The following EPHA3 variants were observed in gnomAD, a reference collection of about 807,000 sequenced individuals.
The protein encoded by EPHA3 is EPH receptor A3, also known as ephrin type-A receptor 3.
In EPHA3, 42 loss-of-function variants were observed where a neutral mutation model predicts 107.1. The observed-to-expected ratio is 0.39, with a 90% CI of 0.31 to 0.51. The LOEUF (loss-of-function observed/expected upper bound fraction) is 0.51. Ranked by LOEUF, EPHA3 falls within the 20% of genes least tolerant of loss-of-function variation. EPHA3 has a pLI of 0.78. For synonymous variants in EPHA3, 461 were observed against 424.8 expected (o/e 1.09, Z -1.05); for missense variants, 1,183 against 1,211.2 (o/e 0.98, Z 0.35).
At chr3:89,112,547 C>A (rs1209617517) in intron 1 of EPHA3, among the ~76,000 whole-genome samples, 1 of 150,882 alleles carries the variant, frequency 6.6e-6, no homozygotes, top group Non-Finnish European at 1.5e-5. Context: ...AAAATATATG[C>A]AATTTTTAAA....
intron 5 of EPHA3, among the ~76,000 whole-genome samples, chr3:89,394,021 T>C (rs1708799209): frequency 6.6e-6 from 1 of 152,192 alleles, no homozygotes; most frequent in South Asian, 2.1e-4. Flanking sequence ...TTAATTTGTA[T>C]GAAAAGATAT....
intron 2 of EPHA3, among the ~76,000 whole-genome samples, chr3:89,174,493 T>C (rs1370114338): frequency 6.6e-6 from 1 of 152,036 alleles, no homozygotes; most frequent in Non-Finnish European, 1.5e-5. Flanking sequence ...CTAAGCAGCA[T>C]GTGCATTTAC....
At chr3:89,430,811 A>G (rs1709550727) in intron 12 of EPHA3, among the ~76,000 whole-genome samples, 1 of 152,172 alleles carries the variant, frequency 6.6e-6, no homozygotes, top group Non-Finnish European at 1.5e-5. Flanking sequence ...AACCTAAACT[A>G]GCCACAAGAT....
intron 12 of EPHA3, among the ~76,000 whole-genome samples, chr3:89,430,188 G>T (rs1395202018): frequency 2.0e-5 from 3 of 152,070 alleles, no homozygotes; most frequent in African/African-American, 7.2e-5. Context: ...GTCATTGCAG[G>T]CGATAAGAAA....
At chr3:89,292,460 G>C (rs2107331566) in intron 3 of EPHA3, among the ~76,000 whole-genome samples, 1 of 152,268 alleles carries the variant, frequency 6.6e-6, no homozygotes, top group Middle Eastern at 3.4e-3. Context: ...CCTGGAACGA[G>C]TTCCCTGTGG....
chr3:89,424,030 A>G (rs186803449), intron 11 of EPHA3, among the ~76,000 whole-genome samples: 32 of 151,558 alleles, frequency 2.1e-4, no homozygotes, highest in African/African-American at 7.7e-4. Flanking sequence ...CAGAAAGGGA[A>G]AAAAAGTATC....
At chr3:89,447,399 G>A (rs1271573957) in intron 13 of EPHA3, among the ~76,000 whole-genome samples, 1 of 152,026 alleles carries the variant, frequency 6.6e-6, no homozygotes, top group Non-Finnish European at 1.5e-5. Flanking sequence ...CATTCTTCAT[G>A]ACTGTGTAAG....
chr3:89,253,711 G>C (rs573660634), intron 3 of EPHA3, among the ~76,000 whole-genome samples: 2 of 151,968 alleles, frequency 1.3e-5, no homozygotes, highest in Admixed American at 6.6e-5. Context: ...ACTGAGTTTA[G>C]TCAGTTAATA....
At chr3:89,302,709 GAATCCTTGCTTGCT>G (rs1194802612) in intron 3 of EPHA3, among the ~76,000 whole-genome samples, 1 of 152,008 alleles carries the variant, frequency 6.6e-6, no homozygotes, top group Non-Finnish European at 1.5e-5. Context: ...AGAATCCATA[GAATCCTTGCTTGCT>G]AATACTCTTC....
chr3:89,120,572 GAA>G (rs1559740181), intron 1 of EPHA3, among the ~76,000 whole-genome samples: 1 of 152,140 alleles, frequency 6.6e-6, no homozygotes, highest in African/African-American at 2.4e-5. Context: ...AAAAGAGAAA[GAA>G]AGAAAATTTT....
At chr3:89,211,636 T>C (rs1165030792) in intron 3 of EPHA3, among the ~76,000 whole-genome samples, 2 of 151,536 alleles carry the variant, frequency 1.3e-5, no homozygotes, top group Non-Finnish European at 3.0e-5. Flanking sequence ...TAGACATGGT[T>C]CACAGAATAA....
intron 13 of EPHA3, among the ~76,000 whole-genome samples, chr3:89,436,453 T>C (rs1299373235): frequency 1.3e-5 from 2 of 152,226 alleles, no homozygotes; most frequent in Non-Finnish European, 2.9e-5. Context: ...GGTGCCTCAA[T>C]GCAATGACCC....
intron 13 of EPHA3, among the ~76,000 whole-genome samples, chr3:89,432,278 T>C (rs1226409391): frequency 6.6e-6 from 1 of 152,204 alleles, no homozygotes; most frequent in Non-Finnish European, 1.5e-5. Context: ...TTAATTTTAC[T>C]ATTATCAGTT....
intron 3 of EPHA3, among the ~76,000 whole-genome samples, chr3:89,216,938 A>G (rs888737270): frequency 2.0e-5 from 3 of 152,114 alleles, no homozygotes; most frequent in African/African-American, 2.4e-5. Flanking sequence ...TGAGAACTAG[A>G]TCTTTTTTTC....
In EPHA3 at chr3:89,219,688, G is replaced by GTGTTTTTTTTTGTTTTTTTT; in HGVS notation, c.814+9169_814+9170insGTTTTTTTTTGTTTTTTTTT. 9.4e-3 allele frequency among the ~76,000 whole-genome samples: 325 copies of GTGTTTTTTTTTGTTTTTTTT among 34,436 alleles called. 119 individuals are homozygous for GTGTTTTTTTTTGTTTTTTTT. The highest frequency in any genetic ancestry group is 0.071 in the Middle Eastern group (4 of 56). 22.6% of individuals were successfully genotyped at this position (34,436 alleles called of 152,430 possible). A position where few individuals can be genotyped will look rare whatever the true frequency, so the allele number is the denominator to read the frequency against. On this transcript the variant is annotated intron_variant, in intron 3 of 16. Transcript: ENST00000336596. Reference sequence around the variant, plus strand: ...TTACCTCCAAGAGGCATTTGGCAATGTTTTTTTTTTTTTTGTTTTTTGTTT... The same window carrying GTGTTTTTTTTTGTTTTTTTT: ...TTACCTCCAAGAGGCATTTGGCAATGTGTTTTTTTTTGTTTTTTTTTTTTTTTTTTTTTTGTTTTTTGTTT...
intron 2 of EPHA3, 100 bp downstream of exon 2, chr3:89,127,373 T>C (rs1238608312): frequency 2.3e-6 from 2 of 887,768 alleles, no homozygotes; most frequent in Non-Finnish European, 3.6e-6. Context: ...CTTGTACTTC[T>C]GGTGACAAAT....
intron 3 of EPHA3, among the ~76,000 whole-genome samples, chr3:89,305,435 G>A (rs1334308582): frequency 6.6e-6 from 1 of 152,050 alleles, no homozygotes; most frequent in African/African-American, 2.4e-5. Flanking sequence ...TACAAATACA[G>A]GCACTTTTTT....
intron 3 of EPHA3, among the ~76,000 whole-genome samples, chr3:89,219,689 T>TGTTTTTTTTTGTG (rs1265976438): frequency 6.0e-5 from 1 of 16,628 alleles, no homozygotes; most frequent in African/African-American, 1.9e-4. Flanking sequence ...TTTGGCAATG[T>TGTTTTTTTTTGTG]TTTTTTTTTT....
intron 15 of EPHA3, among the ~76,000 whole-genome samples, chr3:89,471,191 A>C (rs1710393961): frequency 6.6e-6 from 1 of 151,414 alleles, no homozygotes; most frequent in South Asian, 2.1e-4. Context: ...AAAAAAACAC[A>C]CCAAAGACAT....
Sources: gnomAD v4.1 joint callset for allele counts (sites outside exome capture counted in the v4.1 genomes callset) on GRCh38, gnomAD v4.1.1 for gene constraint, MANE v1.5 for transcripts, NCBI Gene and HGNC (gene_info 2026-07-23, HGNC 2026-07-21) for gene names.